Variants in SNX29 observed in about 807,000 individuals in gnomAD.
The protein encoded by SNX29 is sorting nexin 29.
SNX29 carries 78 observed loss-of-function variants against 102.1 expected under a neutral mutation model. The ratio of observed to expected loss-of-function variants is 0.76; its 90% CI spans 0.64 to 0.92. SNX29 has a LOEUF of 0.92. SNX29 is among the 40% of genes least tolerant of loss of function. The pLI is 0.00. For missense variants in SNX29, 1,280 were observed against 1,061.7 expected, an observed-to-expected ratio of 1.21 and a Z score of -2.86; for synonymous variants, 580 against 414.5, an observed-to-expected ratio of 1.40 and a Z score of -4.85.
intron 20 of SNX29, among the ~76,000 whole-genome samples, chr16:12,567,961 C>T (rs904576914): frequency 6.6e-6 from 1 of 152,138 alleles, no homozygotes; most frequent in Non-Finnish European, 1.5e-5. Context: ...TCAGTGTCCC[C>T]CTCTTGGTGT....
At position 12,411,145 on chromosome 16, in the gene SNX29, G is replaced by A. The variant is rs575580108; in HGVS notation, c.2037+7616G>A. Among the ~76,000 whole-genome samples the A allele has an allele frequency of 5.3e-5, 8 of 152,306 alleles. No individual in the cohort carries two copies. In the South Asian group the frequency reaches 1.7e-3, roughly 32 times the overall value. ...CCATTCCAAATTTAGGGGAGAGAAG[G>A]ACCCGTTCTAAGGCTGAAGCATTTC... On this transcript the variant is annotated intron_variant, in intron 18 of 20. Transcript: ENST00000566228.
At chr16:12,441,017 G>T (rs2085776171) in intron 18 of SNX29, among the ~76,000 whole-genome samples, 1 of 151,182 alleles carries the variant, frequency 6.6e-6, no homozygotes, top group Non-Finnish European at 1.5e-5. Context: ...GGCCTTCTAT[G>T]CTTGGCTTCT....
chr16:12,077,778 A>G (rs1344545199), intron 10 of SNX29, among the ~76,000 whole-genome samples: 1 of 151,918 alleles, frequency 6.6e-6, no homozygotes, highest in Non-Finnish European at 1.5e-5. Flanking sequence ...GTGCTACCAC[A>G]CCCAGATAAT....
intron 14 of SNX29, among the ~76,000 whole-genome samples, chr16:12,239,370 A>G (rs185776237): frequency 1.2e-4 from 18 of 152,278 alleles, no homozygotes; most frequent in African/African-American, 4.1e-4. Flanking sequence ...TTCAGTGGTC[A>G]GAACCCTCTT....
chr16:12,060,772 C>G (rs1442390762), intron 8 of SNX29: 3 of 456,262 alleles, frequency 6.6e-6, no homozygotes, highest in Non-Finnish European at 1.3e-5. Context: ...GGCAATTACT[C>G]CCAAACAAAC....
intron 14 of SNX29, among the ~76,000 whole-genome samples, chr16:12,211,745 C>CT (rs1484193578): frequency 1.3e-5 from 2 of 152,170 alleles, no homozygotes; most frequent in Admixed American, 1.3e-4. Flanking sequence ...TTCGTACTTC[C>CT]TTATGAAACC....
intron 13 of SNX29, among the ~76,000 whole-genome samples, chr16:12,148,994 G>A (rs1003715140): frequency 3.3e-5 from 5 of 152,144 alleles, no homozygotes; most frequent in Non-Finnish European, 7.3e-5. Context: ...GAGCCACCAC[G>A]CCCGGCCTGC....
At chr16:12,110,272 A>G (rs1194098389) in intron 11 of SNX29, among the ~76,000 whole-genome samples, 2 of 151,948 alleles carry the variant, frequency 1.3e-5, no homozygotes, top group African/African-American at 2.4e-5. Context: ...AGCATCCTTT[A>G]TTTCCTGGGG....
At chr16:12,528,792 G>A (rs150204643) in intron 20 of SNX29, among the ~76,000 whole-genome samples, 271 of 152,342 alleles carry the variant, frequency 1.8e-3, no homozygotes, top group Middle Eastern at 3.4e-3. Context: ...TTTGCACACT[G>A]TGCCACTGTG....
chr16:12,003,140 G>T, intron 3 of SNX29, 97 bp downstream of exon 3: 1 of 1,447,360 alleles, frequency 6.9e-7, no homozygotes, highest in South Asian at 1.2e-5. Context: ...GGTTGGAAAG[G>T]CGGCAGAAGG....
intron 15 of SNX29, among the ~76,000 whole-genome samples, chr16:12,281,852 C>CTT (rs2079440266): frequency 6.6e-6 from 1 of 152,038 alleles, no homozygotes; most frequent in Non-Finnish European, 1.5e-5. Flanking sequence ...GGGTGGATCA[C>CTT]TTCAGACTAG....
At chr16:11,997,035 A>G (rs1238851912) in intron 1 of SNX29, among the ~76,000 whole-genome samples, 1 of 152,196 alleles carries the variant, frequency 6.6e-6, no homozygotes, top group Non-Finnish European at 1.5e-5. Flanking sequence ...GTCCTAACAC[A>G]GGCTTTAGAG....
chr16:12,338,298 G>A (rs1469821766), intron 15 of SNX29, among the ~76,000 whole-genome samples: 1 of 152,188 alleles, frequency 6.6e-6, no homozygotes, highest in Non-Finnish European at 1.5e-5. Context: ...GGGGTTGGGC[G>A]AGGAAGGGAA....
intron 19 of SNX29, among the ~76,000 whole-genome samples, chr16:12,502,939 A>C (rs946578988): frequency 3.3e-5 from 5 of 152,244 alleles, no homozygotes; most frequent in African/African-American, 1.2e-4. Flanking sequence ...CCTGCAAAGA[A>C]GCACTCACGT....
rs1283291830 is a variant in SNX29 at position 12,569,763 on chromosome 16, AG to A, written c.*1135del. Reference sequence around the variant, plus strand: ...GCTCCTCCTCCAGTGAGCTCACATCAGAGCACCTCACAGAGCAATAGCCGTC... The same window carrying A: ...GCTCCTCCTCCAGTGAGCTCACATCAAGCACCTCACAGAGCAATAGCCGTC... On this transcript the variant is annotated 3_prime_UTR_variant, in exon 21 of 21. Transcript: ENST00000566228. 1 of 230,378 alleles carries A rather than the reference AG, an allele frequency of 4.3e-6. No individual in the cohort carries two copies. Among genetic ancestry groups the A allele is most frequent in the Non-Finnish European group, 8.6e-6 (1 of 116,300 alleles). The allele number at this position is 230,378 out of a possible 1,614,324, so 14.3% of individuals were successfully genotyped here.
intron 20 of SNX29, chr16:12,527,449 C>T (rs1200852101): frequency 2.3e-6 from 1 of 430,342 alleles, no homozygotes; most frequent in Non-Finnish European, 4.4e-6. Context: ...CTCCTTGGTT[C>T]TTTCAAATGT....
Position 12,524,684 on chromosome 16 carries a change from T to C in SNX29, c.2179-18T>C. ...TGAGGAAGACGTACCAAAGCGAAGATGTTTTGTGTTTCCTCAGGATGCCAA... is the reference window on the plus strand; with the variant it reads ...TGAGGAAGACGTACCAAAGCGAAGACGTTTTGTGTTTCCTCAGGATGCCAA... On this transcript the variant is annotated intron_variant, in intron 19 of 20. Coordinates refer to ENST00000566228, the MANE Select transcript of SNX29 (RefSeq NM_032167.5). The C allele has an allele frequency of 6.2e-7, 1 of 1,611,362 alleles. No homozygotes were observed. The highest frequency in any genetic ancestry group is 8.5e-7 in the Non-Finnish European group (1 of 1,178,540).
At chr16:12,462,022 C>T (rs1375336118) in intron 18 of SNX29, among the ~76,000 whole-genome samples, 92 of 110,270 alleles carry the variant, frequency 8.3e-4, no homozygotes, top group African/African-American at 2.7e-3. Flanking sequence ...TGTATACACA[C>T]ACACACACAC....
chr16:12,060,976 C>T (rs983209637), intron 8 of SNX29: 10 of 415,894 alleles, frequency 2.4e-5, no homozygotes, highest in Admixed American at 1.1e-4. Flanking sequence ...CGAGGCGGAG[C>T]AACGCTAGCC....
Sources: gnomAD v4.1 joint callset for allele counts (sites outside exome capture counted in the v4.1 genomes callset) on GRCh38, gnomAD v4.1.1 for gene constraint, MANE v1.5 for transcripts, NCBI Gene and HGNC (gene_info 2026-07-23, HGNC 2026-07-21) for gene names.